Variants in SMYD3 observed in about 807,000 individuals in gnomAD.
SMYD3 encodes SET and MYND domain containing 3.
Under a neutral mutation model 57.7 loss-of-function variants are expected in SMYD3, and 36 were observed. The ratio of observed to expected loss-of-function variants is 0.62; its 90% CI spans 0.48 to 0.82. SMYD3 has a LOEUF of 0.82. SMYD3 is among the 40% of genes least tolerant of loss of function. The pLI, the probability that SMYD3 is intolerant of heterozygous loss-of-function variation, is 0.00. For missense variants in SMYD3, 515 were observed against 538.8 expected (o/e 0.96, Z 0.44); for synonymous variants, 211 against 195.0 (o/e 1.08, Z -0.68).
chr1:245,998,170 A>G (rs1184666530), intron 5 of SMYD3, among the ~76,000 whole-genome samples: 1 of 152,206 alleles, frequency 6.6e-6, no homozygotes, highest in Admixed American at 6.5e-5. Flanking sequence ...AAAGAAATAA[A>G]GATAAGGAAG....
chr1:246,061,306 T>C (rs780431871), intron 5 of SMYD3, among the ~76,000 whole-genome samples: 4 of 152,090 alleles, frequency 2.6e-5, no homozygotes, highest in Non-Finnish European at 4.4e-5. Flanking sequence ...TAAGGACTGG[T>C]AGGTACCATA....
intron 5 of SMYD3, among the ~76,000 whole-genome samples, chr1:246,275,063 T>C (rs1480261189): frequency 6.6e-6 from 1 of 152,154 alleles, no homozygotes; most frequent in African/African-American, 2.4e-5. Context: ...ATAAAGACAT[T>C]TTTAGGAAAT....
At chr1:246,136,205 G>A (rs2061663544) in intron 5 of SMYD3, among the ~76,000 whole-genome samples, 1 of 152,150 alleles carries the variant, frequency 6.6e-6, no homozygotes, top group Non-Finnish European at 1.5e-5. Flanking sequence ...TTTCAGGCCA[G>A]CTCTAATAGG....
At chr1:246,199,037 G>A (rs1460782121) in intron 5 of SMYD3, among the ~76,000 whole-genome samples, 3 of 152,218 alleles carry the variant, frequency 2.0e-5, no homozygotes, top group South Asian at 2.1e-4. Context: ...GTAGTGTGGC[G>A]CTGAGGCTTG....
At chr1:246,104,422 GAAAC>G (rs2061079175) in intron 5 of SMYD3, among the ~76,000 whole-genome samples, 1 of 152,194 alleles carries the variant, frequency 6.6e-6, no homozygotes, top group Non-Finnish European at 1.5e-5. Flanking sequence ...TGTGAAATAA[GAAAC>G]AAAATAAAAA....
chr1:245,802,142 A>C (rs1204136656), intron 10 of SMYD3, among the ~76,000 whole-genome samples: 2 of 152,232 alleles, frequency 1.3e-5, no homozygotes, highest in African/African-American at 4.8e-5. Context: ...TTTTATAATT[A>C]CTTATTTAAA....
At chr1:246,431,987 G>A (rs2067302294) in intron 1 of SMYD3, among the ~76,000 whole-genome samples, 1 of 151,960 alleles carries the variant, frequency 6.6e-6, no homozygotes, top group Non-Finnish European at 1.5e-5. Flanking sequence ...CTATACTCTG[G>A]AAAAAAGTAT....
intron 1 of SMYD3, among the ~76,000 whole-genome samples, chr1:246,457,924 C>T (rs965557444): frequency 1.3e-5 from 2 of 152,208 alleles, no homozygotes; most frequent in South Asian, 2.1e-4. Context: ...GTGACAGTCA[C>T]TAGCATAAAC....
intron 5 of SMYD3, among the ~76,000 whole-genome samples, chr1:246,075,989 G>T (rs567422842): frequency 6.9e-6 from 1 of 145,510 alleles, no homozygotes; most frequent in Non-Finnish European, 1.5e-5. Flanking sequence ...CAAAAGAACC[G>T]AAAGATAATA....
In SMYD3 at chr1:246,459,630, G is replaced by A. The variant is rs1030972931; in HGVS notation, c.164+47424C>T. 2.6e-5 allele frequency among the ~76,000 whole-genome samples: 4 copies of A among 152,322 alleles called. 1 individual carries two copies. In the South Asian group the frequency reaches 8.3e-4, roughly 32 times the overall value. Reference sequence around the variant, plus strand: ...TCCTGTACAGCCTGCGGAACTGTGAGTCAATTAAACTGCTTTTCTTCATAA... The same window carrying A: ...TCCTGTACAGCCTGCGGAACTGTGAATCAATTAAACTGCTTTTCTTCATAA... On this transcript the variant is annotated intron_variant, in intron 1 of 11. Transcript: ENST00000490107.
At chr1:246,036,541 T>C (rs80110609) in intron 5 of SMYD3, among the ~76,000 whole-genome samples, 8 of 47,010 alleles carry the variant, frequency 1.7e-4, no homozygotes, top group African/African-American at 7.6e-4. Flanking sequence ...CTTTCTCTCT[T>C]TTTTTTTTTT....
intron 10 of SMYD3, among the ~76,000 whole-genome samples, chr1:245,824,595 C>T (rs1459720879): frequency 1.3e-5 from 2 of 152,140 alleles, no homozygotes; most frequent in South Asian, 2.1e-4. Flanking sequence ...TTGGCTCACG[C>T]CTGTAATCCC....
chr1:246,023,448 G>A (rs1344019988), intron 5 of SMYD3, among the ~76,000 whole-genome samples: 1 of 152,180 alleles, frequency 6.6e-6, no homozygotes, highest in Non-Finnish European at 1.5e-5. Flanking sequence ...ATGACCAAGT[G>A]TAGCTGCTTG....
At chr1:246,475,666 G>A (rs1279798316) in intron 1 of SMYD3, among the ~76,000 whole-genome samples, 1 of 152,016 alleles carries the variant, frequency 6.6e-6, no homozygotes, top group Non-Finnish European at 1.5e-5. Flanking sequence ...CCAGAGTGGA[G>A]ACCAGTGGCA....
chr1:246,165,106 G>A (rs2062183862), intron 5 of SMYD3, among the ~76,000 whole-genome samples: 1 of 152,224 alleles, frequency 6.6e-6, no homozygotes, highest in Non-Finnish European at 1.5e-5. Context: ...CCGAAAGGGA[G>A]CGGTCCACAG....
chr1:246,202,341 T>C lies in SMYD3; in HGVS notation c.531+124860A>G, dbSNP rs111910796. 1.6e-4 allele frequency among the ~76,000 whole-genome samples: 25 copies of C among 152,222 alleles called. No homozygotes were observed. The highest frequency in any genetic ancestry group is 6.0e-4 in the African/African-American group (25 of 41,458). Reference sequence around the variant, plus strand: ...TTTCTCATTTCTACATGACCACCTTTACATTTTTCATATCTGACCGCCCTA... The same window carrying C: ...TTTCTCATTTCTACATGACCACCTTCACATTTTTCATATCTGACCGCCCTA... On this transcript the variant is annotated intron_variant, in intron 5 of 11. Coordinates refer to ENST00000490107, the MANE Select transcript of SMYD3 (RefSeq NM_001167740.2). The surrounding 1 kb of genome is among the most constrained non-coding windows in gnomAD (Gnocchi z 4.1).
At chr1:246,118,373 T>G (rs1356648656) in intron 5 of SMYD3, among the ~76,000 whole-genome samples, 2 of 152,042 alleles carry the variant, frequency 1.3e-5, no homozygotes, top group African/African-American at 4.8e-5. Flanking sequence ...TCAACTCCAT[T>G]CCTCACCTCA....
Position 246,507,204 on chromosome 1 carries a change from T to G in SMYD3, c.14A>C (p.Lys5Thr). 1 of 1,522,678 alleles carries G rather than the reference T, an allele frequency of 6.6e-7. No individual in the cohort carries two copies. Among genetic ancestry groups the G allele is most frequent in the Non-Finnish European group, 8.8e-7 (1 of 1,134,420 alleles). 94.3% of individuals were successfully genotyped at this position (1,522,678 alleles called of 1,614,324 possible). A position where few individuals can be genotyped will look rare whatever the true frequency, so the allele number is the denominator to read the frequency against. Reference protein sequence around the residue: MEPLKVEKFATAKRG... With the variant: MEPLTVEKFATAKRG... ...CTTGGCGGTTGCGAACTTTTCCACCTTCAGCGGCTCCATCCTCCCGCAGCT... is the reference window on the plus strand; with the variant it reads ...CTTGGCGGTTGCGAACTTTTCCACCGTCAGCGGCTCCATCCTCCCGCAGCT... Residue 5 changes from lysine (K) to threonine (T), a missense_variant, in exon 1 of 12, where the codon AAG becomes ACG. Transcript: ENST00000490107.
rs79261958 is a variant in SMYD3 at position 246,160,014 on chromosome 1, G to A, written c.531+167187C>T. On this transcript the variant is annotated intron_variant, in intron 5 of 11. Transcript: ENST00000490107. The stretch of plus-strand genomic sequence containing the variant: ...TAATGAAGTAAACTCAGTAGGTTAA[G>A]TTGACTCAGCTAAATTCACAGATTA... Among the ~76,000 whole-genome samples the A allele has an allele frequency of 1.6e-3, 244 of 152,252 alleles. 1 individual carries two copies. The highest frequency in any genetic ancestry group is 5.4e-3 in the African/African-American group (226 of 41,548).
Sources: allele counts gnomAD v4.1 joint callset (sites outside exome capture counted in the v4.1 genomes callset), GRCh38; gene constraint gnomAD v4.1.1; non-coding constraint Gnocchi (gnomAD v3.1); transcripts MANE v1.5; gene names NCBI Gene and HGNC (gene_info 2026-07-23, HGNC 2026-07-21).